SDHAF4: variants seen among roughly 807,000 people sequenced by gnomAD.
SDHAF4 encodes succinate dehydrogenase assembly factor 4, mitochondrial.
In SDHAF4, 14 loss-of-function variants were observed where a neutral mutation model predicts 14.3. That is an observed-to-expected ratio of 0.98 (90% CI 0.65 to 1.53). SDHAF4 has a LOEUF of 1.53. Among genes scored for constraint, SDHAF4 ranks in the 40% most tolerant of loss-of-function variants. The pLI is 0.00. For synonymous variants in SDHAF4, 63 were observed against 47.3 expected, an observed-to-expected ratio of 1.33 and a Z score of -1.36; for missense variants, 141 against 129.3, an observed-to-expected ratio of 1.09 and a Z score of -0.44.
At chr6:70,581,421 AC>A (rs1234786530) in intron 2 of SDHAF4, among the ~76,000 whole-genome samples, 1 of 152,198 alleles carries the variant, frequency 6.6e-6, no homozygotes, top group Non-Finnish European at 1.5e-5. Flanking sequence ...TGTTGAACCT[AC>A]CATCCCTTAG....
rs1293997824 is a variant in SDHAF4 at position 70,580,624 on chromosome 6, G to A, written c.217+1058G>A. ...TAAACAAAATGTGGCATATACATCC[G>A]GTGGAAAACTATTCAGTCATAAAAA... On this transcript the variant is annotated intron_variant, in intron 2 of 2. Transcript: ENST00000370474. Among the ~76,000 whole-genome samples the A allele has an allele frequency of 5.9e-5, 9 of 152,216 alleles. No homozygotes were observed. In the East Asian group the frequency reaches 7.7e-4, roughly 13 times the overall value.
chr6:70,597,489 C>A, the SDHAF4 span, among the ~76,000 whole-genome samples: 8 of 151,824 alleles, frequency 5.3e-5, no homozygotes, highest in Non-Finnish European at 7.4e-5. Flanking sequence ...TGAAACAGAT[C>A]CCCTGCCATC....
In SDHAF4 at chr6:70,588,854, T is replaced by TATATATATATATATATATGA. The variant is rs1765232923; in HGVS notation, c.*132_*133insATATATATATATATATGAAT. 2.7e-5 allele frequency: 9 copies of TATATATATATATATATATGA among 330,248 alleles called. No individual in the cohort carries two copies. 20.5% of individuals were successfully genotyped at this position (330,248 alleles called of 1,614,324 possible). A position where few individuals can be genotyped will look rare whatever the true frequency, so the allele number is the denominator to read the frequency against. On this transcript the variant is annotated 3_prime_UTR_variant, in exon 3 of 3. Coordinates refer to ENST00000370474, the MANE Select transcript of SDHAF4 (RefSeq NM_145267.3). ...TATAATGTGTTTAAATATATATATA[T>TATATATATATATATATATGA]ATGATGGCTTTGGAAGAAAATATGC...
chr6:70,597,158 G>A, the SDHAF4 span, among the ~76,000 whole-genome samples: 1 of 152,050 alleles, frequency 6.6e-6, no homozygotes, highest in South Asian at 2.1e-4. Flanking sequence ...TTTTGAGAGT[G>A]AGCCTCGCTC....
chr6:70,592,263 G>C (rs148626536), downstream of SDHAF4, among the ~76,000 whole-genome samples: 1 of 152,210 alleles, frequency 6.6e-6, no homozygotes, highest in Non-Finnish European at 1.5e-5. Flanking sequence ...TGTGGAAGCC[G>C]CATGGGAACT....
rs371051397 is a variant in SDHAF4 at position 70,579,654 on chromosome 6, G to T, written c.217+88G>T. 3.6e-5 allele frequency: 41 copies of T among 1,140,560 alleles called. No homozygotes were observed. The East Asian group carries it at 7.5e-4, about 21-fold the overall frequency. The allele number at this position is 1,140,560 out of a possible 1,614,324, so 70.7% of individuals were successfully genotyped here. On this transcript the variant is annotated intron_variant, in intron 2 of 2. Transcript: ENST00000370474. ...AAAATGAGTGAAAGGAAAGAAATTT[G>T]TTATTGCTTAAATTCTGTAGTAATA...
At chr6:70,587,692 C>T (rs2128536325) in intron 2 of SDHAF4, among the ~76,000 whole-genome samples, 1 of 152,274 alleles carries the variant, frequency 6.6e-6, no homozygotes, top group East Asian at 1.9e-4. Context: ...TCATTTTCTT[C>T]ATCTATAAAG....
chr6:70,574,305 G>A (rs1321697961), intron 1 of SDHAF4, among the ~76,000 whole-genome samples: 5 of 148,904 alleles, frequency 3.4e-5, no homozygotes, highest in African/African-American at 1.0e-4. Flanking sequence ...GGGTGACAGA[G>A]CAAGCCTCCA....
downstream of SDHAF4, among the ~76,000 whole-genome samples, chr6:70,591,043 A>G (rs1765252804): frequency 6.6e-6 from 1 of 152,192 alleles, no homozygotes; most frequent in African/African-American, 2.4e-5. Flanking sequence ...CTTTTGTCCT[A>G]TTCAGGCCTT....
intron 1 of SDHAF4, among the ~76,000 whole-genome samples, chr6:70,579,196 A>G (rs1222587175): frequency 2.0e-5 from 3 of 152,250 alleles, no homozygotes; most frequent in Non-Finnish European, 4.4e-5. Context: ...ATAACAATTA[A>G]CTAATTTATT....
In SDHAF4 at chr6:70,566,935, G is replaced by T; in HGVS notation, c.-6G>T. ...CGCCTGCGCGGAGGCTCGGGGAGTC[G>T]GCGCCATGACCCCATCGAGGCTTCC... On this transcript the variant is annotated 5_prime_UTR_variant, in exon 1 of 3. Coordinates refer to ENST00000370474, the MANE Select transcript of SDHAF4 (RefSeq NM_145267.3). 1 of 1,577,698 alleles carries T rather than the reference G, an allele frequency of 6.3e-7. No individual in the cohort carries two copies. Among genetic ancestry groups the T allele is most frequent in the African/African-American group, 1.3e-5 (1 of 74,274 alleles).
the SDHAF4 span, among the ~76,000 whole-genome samples, chr6:70,594,641 A>G: frequency 6.6e-6 from 1 of 152,214 alleles, no homozygotes; most frequent in African/African-American, 2.4e-5. Flanking sequence ...AGCCGGGTGC[A>G]ATGGCTCACG....
rs577472001 is a variant in SDHAF4 at position 70,578,639 on chromosome 6, A to G, written c.65-775A>G. Among the ~76,000 whole-genome samples, 13 of 152,288 alleles carry G rather than the reference A, an allele frequency of 8.5e-5. No homozygotes were observed. The East Asian group carries it at 2.5e-3, about 29-fold the overall frequency. The stretch of plus-strand genomic sequence containing the variant: ...TGCAGTTGCTTTTGAGGACTTAGTC[A>G]TAAATTATTTCCCAAGACCAATGTC... On this transcript the variant is annotated intron_variant, in intron 1 of 2. Coordinates refer to ENST00000370474, the MANE Select transcript of SDHAF4 (RefSeq NM_145267.3).
the SDHAF4 span, among the ~76,000 whole-genome samples, chr6:70,596,171 G>A: frequency 6.6e-6 from 1 of 152,190 alleles, no homozygotes; most frequent in African/African-American, 2.4e-5. Context: ...CGGTAGCCAT[G>A]GAAATGCATC....
chr6:70,579,590 A>T lies in SDHAF4; in HGVS notation c.217+24A>T, dbSNP rs1370157001. The T allele has an allele frequency of 3.2e-6, 5 of 1,545,498 alleles. No homozygotes were observed. In the African/African-American group the frequency reaches 5.6e-5, roughly 17 times the overall value. The stretch of plus-strand genomic sequence containing the variant: ...AAGTAAGTATAATAAAGCACCTCTC[A>T]GTTTTTGAAGTATCAAGGAAAGTGT... On this transcript the variant is annotated intron_variant, in intron 2 of 2. Coordinates refer to ENST00000370474, the MANE Select transcript of SDHAF4 (RefSeq NM_145267.3).
At chr6:70,598,370 C>T in the SDHAF4 span, among the ~76,000 whole-genome samples, 1 of 152,058 alleles carries the variant, frequency 6.6e-6, no homozygotes, top group Admixed American at 6.6e-5. Context: ...CACAGTGAGA[C>T]TCTGTCTGAA....
chr6:70,587,842 A>G (rs184925687), intron 2 of SDHAF4, among the ~76,000 whole-genome samples: 2 of 152,344 alleles, frequency 1.3e-5, no homozygotes, highest in Admixed American at 1.3e-4. Context: ...AATAATTACT[A>G]TTATGATTAT....
chr6:70,587,600 C>T (rs1440483391), intron 2 of SDHAF4, among the ~76,000 whole-genome samples: 1 of 152,216 alleles, frequency 6.6e-6, no homozygotes, highest in Non-Finnish European at 1.5e-5. Context: ...AACAAGACTG[C>T]AGCCAGGATG....
intron 1 of SDHAF4, among the ~76,000 whole-genome samples, 175 bp downstream of exon 1, chr6:70,567,179 C>T (rs1316727977): frequency 2.0e-5 from 3 of 152,232 alleles, no homozygotes; most frequent in East Asian, 1.9e-4. Flanking sequence ...GTTCCTGCAG[C>T]GCCCCGGGTC....
Sources: allele counts gnomAD v4.1 joint callset (sites outside exome capture counted in the v4.1 genomes callset), GRCh38; gene constraint gnomAD v4.1.1; transcripts MANE v1.5; gene names NCBI Gene and HGNC (gene_info 2026-07-23, HGNC 2026-07-21).